The following ALK variants were observed in gnomAD, a reference collection of about 807,000 sequenced individuals.
The protein encoded by ALK is ALK tyrosine kinase receptor.
Under a neutral mutation model 163.1 loss-of-function variants are expected in ALK, and 74 were observed. The ratio of observed to expected loss-of-function variants is 0.45; its 90% CI spans 0.38 to 0.55. The LOEUF (loss-of-function observed/expected upper bound fraction) is 0.55. Ranked by LOEUF, ALK falls within the 20% of genes least tolerant of loss-of-function variation. ALK has a pLI of 0.00. For missense variants in ALK, 2,063 were observed against 2,105.3 expected (o/e 0.98, Z 0.39); for synonymous variants, 960 against 843.2 (o/e 1.14, Z -2.40).
intron 3 of ALK, among the ~76,000 whole-genome samples, chr2:29,623,312 C>T (rs550089400): frequency 1.6e-3 from 236 of 152,154 alleles, no homozygotes; most frequent in Non-Finnish European, 2.9e-3. Flanking sequence ...CATAAATGTC[C>T]AATAATAGAG....
At chr2:29,826,830 A>G (rs1274753196) in intron 1 of ALK, among the ~76,000 whole-genome samples, 1 of 152,246 alleles carries the variant, frequency 6.6e-6, no homozygotes, top group East Asian at 1.9e-4. Context: ...AGGAACAAAA[A>G]TTGGAGGGGC....
intron 4 of ALK, among the ~76,000 whole-genome samples, chr2:29,467,137 T>C (rs908116736): frequency 6.6e-6 from 1 of 151,980 alleles, no homozygotes; most frequent in Admixed American, 6.6e-5. Context: ...ACTGACATGC[T>C]GTGTGAAGGA....
intron 8 of ALK, among the ~76,000 whole-genome samples, chr2:29,298,773 TC>T (rs1666277297): frequency 6.6e-6 from 1 of 152,168 alleles, no homozygotes. Context: ...TTATTTATCC[TC>T]CTTTCTTTTC....
At chr2:29,355,051 C>A (rs537659647) in intron 5 of ALK, among the ~76,000 whole-genome samples, 5 of 152,312 alleles carry the variant, frequency 3.3e-5, no homozygotes, top group African/African-American at 1.2e-4. Context: ...TAGGCGTGAG[C>A]CACTACGCCC....
intron 4 of ALK, among the ~76,000 whole-genome samples, chr2:29,408,531 A>C (rs949754684): frequency 5.9e-5 from 9 of 152,200 alleles, no homozygotes; most frequent in African/African-American, 2.2e-4. Context: ...CAATCTGCGA[A>C]TTGTTAACCT....
chr2:29,818,574 C>T (rs1664960417), intron 1 of ALK, among the ~76,000 whole-genome samples: 2 of 152,250 alleles, frequency 1.3e-5, no homozygotes, highest in Admixed American at 1.3e-4. Flanking sequence ...TGTTCGCCCC[C>T]AAAGCAAGGC....
intron 11 of ALK, among the ~76,000 whole-genome samples, chr2:29,254,649 T>C (rs956100328): frequency 2.0e-5 from 3 of 152,198 alleles, no homozygotes; most frequent in Admixed American, 1.3e-4. Flanking sequence ...ATGTGAACAA[T>C]TGGAGACTGT....
At chr2:29,445,916 G>A (rs1340767590) in intron 4 of ALK, among the ~76,000 whole-genome samples, 17 of 150,258 alleles carry the variant, frequency 1.1e-4, no homozygotes, top group African/African-American at 4.2e-4. Context: ...CGGCTAAAAC[G>A]GTGAAACCCC....
chr2:29,739,240 T>TAAAAAAAAAAAAA (rs57381961), intron 1 of ALK, among the ~76,000 whole-genome samples: 17 of 40,332 alleles, frequency 4.2e-4, no homozygotes, highest in African/African-American at 1.7e-3. Context: ...CAGTCTCTCT[T>TAAAAAAAAAAAAA]AAAAAAAAAA....
chr2:29,791,040 C>T (rs1315176330), intron 1 of ALK, among the ~76,000 whole-genome samples: 6 of 152,172 alleles, frequency 3.9e-5, no homozygotes. Flanking sequence ...TCTTCCTTTC[C>T]TTTATCTTAT....
intron 1 of ALK, among the ~76,000 whole-genome samples, chr2:29,732,447 C>T (rs528049293): frequency 2.0e-5 from 3 of 152,222 alleles, no homozygotes; most frequent in African/African-American, 4.8e-5. Context: ...ACTGCCCACA[C>T]TTGTAGAACT....
At position 29,383,863 on chromosome 2, in the gene ALK, G is replaced by A. The variant is rs773542942; in HGVS notation, c.1155-4C>T. The A allele has an allele frequency of 1.9e-6, 3 of 1,613,810 alleles. No homozygotes were observed. The highest frequency in any genetic ancestry group is 2.7e-5 in the African/African-American group (2 of 74,804). The stretch of plus-strand genomic sequence containing the variant: ...TCTTCCCTGGAGCACTGTCCAACTG[G>A]TTGCATTGGAAAACAGAGGAGAAAA... On this transcript the variant is annotated splice_polypyrimidine_tract_variant and splice_region_variant and intron_variant, in intron 4 of 28. Coordinates refer to ENST00000389048, the MANE Select transcript of ALK (RefSeq NM_004304.5).
chr2:29,606,030 C>G (rs1472750100), intron 3 of ALK, among the ~76,000 whole-genome samples: 1 of 152,212 alleles, frequency 6.6e-6, no homozygotes, highest in African/African-American at 2.4e-5. Flanking sequence ...CCACCTCCCA[C>G]CCCCACTGCC....
At position 29,314,213 on chromosome 2, in the gene ALK, G is replaced by A. The variant is rs562124296; in HGVS notation, c.1647+4091C>T. Among the ~76,000 whole-genome samples the A allele has an allele frequency of 6.6e-5, 10 of 152,266 alleles. 1 individual carries two copies. The South Asian group carries it at 2.1e-3, about 32-fold the overall frequency. ...TGCCTTCCTTTGAGAAGGGCTTCAG[G>A]GATGGATGGCCAAGGTCAACTCCAG... On this transcript the variant is annotated intron_variant, in intron 8 of 28. Transcript: ENST00000389048.
At chr2:29,250,009 C>T (rs968592358) in intron 12 of ALK, among the ~76,000 whole-genome samples, 2 of 152,210 alleles carry the variant, frequency 1.3e-5, no homozygotes, top group African/African-American at 4.8e-5. Flanking sequence ...AAATGTTAAC[C>T]TGGAGAGAGA....
At chr2:29,396,836 G>GTTTTTTTTTTT (rs10654058) in intron 4 of ALK, among the ~76,000 whole-genome samples, 673 of 46,610 alleles carry the variant, frequency 0.014, 161 homozygotes, top group Non-Finnish European at 0.017. Context: ...TGTTACTATG[G>GTTTTTTTTTTT]TTTTTTTTTT....
chr2:29,441,498 A>C (rs1670544243), intron 4 of ALK, among the ~76,000 whole-genome samples: 1 of 152,208 alleles, frequency 6.6e-6, no homozygotes, highest in Non-Finnish European at 1.5e-5. Context: ...GCTCTTGATC[A>C]GTGCTCATCT....
At chr2:29,840,394 A>G (rs1432255652) in intron 1 of ALK, among the ~76,000 whole-genome samples, 1 of 152,356 alleles carries the variant, frequency 6.6e-6, no homozygotes, top group South Asian at 2.1e-4. Context: ...AACTTCAAGC[A>G]ACTGAAATGA....
intron 11 of ALK, among the ~76,000 whole-genome samples, chr2:29,271,758 A>G (rs1171187614): frequency 6.6e-6 from 1 of 152,168 alleles, no homozygotes; most frequent in Non-Finnish European, 1.5e-5. Flanking sequence ...ATGACACTAT[A>G]TAGTTTTAAT....
Sources: allele counts gnomAD v4.1 joint callset (sites outside exome capture counted in the v4.1 genomes callset), GRCh38; gene constraint gnomAD v4.1.1; transcripts MANE v1.5; gene names NCBI Gene and HGNC (gene_info 2026-07-23, HGNC 2026-07-21).